SLC25A32: variants seen among roughly 807,000 people sequenced by gnomAD.
The protein encoded by SLC25A32 is solute carrier family 25 member 32.
SLC25A32 carries 32 observed loss-of-function variants against 39.0 expected under a neutral mutation model. The observed-to-expected ratio is 0.82, with a 90% CI of 0.62 to 1.10. The LOEUF (loss-of-function observed/expected upper bound fraction) is 1.10, where lower values mean the gene tolerates loss of function less well. Among genes scored for constraint, SLC25A32 ranks in the 50% least tolerant of loss-of-function variants. The pLI, the probability that SLC25A32 is intolerant of heterozygous loss-of-function variation, is 0.00. For synonymous variants in SLC25A32, 166 were observed against 152.4 expected, an observed-to-expected ratio of 1.09 and a Z score of -0.66; for missense variants, 367 against 395.3, an observed-to-expected ratio of 0.93 and a Z score of 0.61.
chr8:103,409,303 A>G (rs929202757), intron 1 of SLC25A32, among the ~76,000 whole-genome samples: 1 of 152,218 alleles, frequency 6.6e-6, no homozygotes. Flanking sequence ...TTTTCCACTC[A>G]AGATTATTTG....
chr8:103,399,519 T>C lies in SLC25A32; in HGVS notation c.*892A>G, dbSNP rs375323033. On this transcript the variant is annotated 3_prime_UTR_variant, in exon 7 of 7. Transcript: ENST00000297578. The stretch of plus-strand genomic sequence containing the variant: ...AGATATTTCTCTGAGAAGTATATAG[T>C]TTCTCAATTTTCGCTAGGTAGTGCA... 6.6e-6 allele frequency: 1 copy of C among 152,182 alleles called. No individual in the cohort carries two copies. The highest frequency in any genetic ancestry group is 1.5e-5 in the Non-Finnish European group (1 of 68,026). The allele number at this position is 152,182 out of a possible 1,614,324, so 9.4% of individuals were successfully genotyped here.
In SLC25A32 at chr8:103,410,223, A is replaced by G. The variant is rs375315573; in HGVS notation, c.155-2439T>C. 5.3e-5 allele frequency among the ~76,000 whole-genome samples: 8 copies of G among 152,340 alleles called. No individual in the cohort carries two copies. In the South Asian group the frequency reaches 1.2e-3, roughly 24 times the overall value. On this transcript the variant is annotated intron_variant, in intron 1 of 6. Transcript: ENST00000297578. ...TCCCTAACATAAAATTAAAATTGTT[A>G]TATCGATAAAATACAGTAAATTTTT...
Position 103,400,273 on chromosome 8 carries a change from A to C in SLC25A32, c.*138T>G. 2.1e-6 allele frequency: 2 copies of C among 966,180 alleles called. No homozygotes were observed. The highest frequency in any genetic ancestry group is 3.1e-6 in the Non-Finnish European group (2 of 644,794). 59.9% of individuals were successfully genotyped at this position (966,180 alleles called of 1,614,324 possible). On this transcript the variant is annotated 3_prime_UTR_variant, in exon 7 of 7. Transcript: ENST00000297578. ...AGAAAAACATTGCAGGAGACTTAGC[A>C]GTTCTCTGGCTTCTAATGACTATAG...
chr8:103,408,655 TG>T (rs1166741671), intron 1 of SLC25A32, among the ~76,000 whole-genome samples: 1 of 152,182 alleles, frequency 6.6e-6, no homozygotes, highest in Non-Finnish European at 1.5e-5. Flanking sequence ...GCATTTCACT[TG>T]AACATATCCA....
intron 3 of SLC25A32, 85 bp from the exon 4 acceptor site, chr8:103,403,409 T>TAAAA (rs11447002): frequency 2.2e-4 from 54 of 249,778 alleles, no homozygotes; most frequent in African/African-American, 9.6e-4. Context: ...TACATTTATG[T>TAAAA]AAAAAAAAAA....
At chr8:103,400,592 C>G (rs779273142) in intron 6 of SLC25A32, 46 bp from the exon 7 acceptor site, 1 of 1,599,140 alleles carries the variant, frequency 6.3e-7, no homozygotes, top group Admixed American at 1.7e-5. Flanking sequence ...ATAGAGCTAG[C>G]TTGAAAACAC....
Position 103,402,067 on chromosome 8 carries a change from G to T in SLC25A32, c.553-13C>A, listed in dbSNP as rs148768850. 1,558 of 1,566,862 alleles carry T rather than the reference G, an allele frequency of 9.9e-4. 7 individuals carry two copies. The African/African-American group carries it at 0.018, about 18-fold the overall frequency. Reference sequence around the variant, plus strand: ...CAGGAACAAATCCCTACAAGGGAATGATTTTTAAAAAGCAAAACAACATAC... The same window carrying T: ...CAGGAACAAATCCCTACAAGGGAATTATTTTTAAAAAGCAAAACAACATAC... On this transcript the variant is annotated splice_polypyrimidine_tract_variant and intron_variant, in intron 4 of 6. Transcript: ENST00000297578.
chr8:103,415,036 A>T lies in SLC25A32; in HGVS notation c.-99T>A, dbSNP rs750253444. 6.3e-7 allele frequency: 1 copy of T among 1,593,638 alleles called. No homozygotes were observed. ...GCGACGGTCGCCCCTTGTGAGCGCA[A>T]CCCCACCTCCGGGACCAACGAGAGG... is the stretch of plus-strand genomic sequence containing the variant. On this transcript the variant is annotated 5_prime_UTR_variant, in exon 1 of 7. In the 5' UTR this introduces an upstream ATG that the reference lacks. Coordinates refer to ENST00000297578, the MANE Select transcript of SLC25A32 (RefSeq NM_030780.5).
chr8:103,410,204 A>G (rs1816434017), intron 1 of SLC25A32, among the ~76,000 whole-genome samples: 1 of 152,202 alleles, frequency 6.6e-6, no homozygotes, highest in South Asian at 2.1e-4. Flanking sequence ...AATCTCCCTA[A>G]CATAAAATTA....
At chr8:103,400,751 G>A (rs553341412) in intron 6 of SLC25A32, among the ~76,000 whole-genome samples, 2 of 152,174 alleles carry the variant, frequency 1.3e-5, no homozygotes, top group African/African-American at 4.8e-5. Flanking sequence ...GAGTAAGAGA[G>A]GGTAGGGACA....
Position 103,414,896 on chromosome 8 carries a change from C to T in SLC25A32, c.42G>A (p.Trp14Ter). 1 of 1,611,998 alleles carries T rather than the reference C, an allele frequency of 6.2e-7. No homozygotes were observed. The highest frequency in any genetic ancestry group is 8.5e-7 in the Non-Finnish European group (1 of 1,179,452). ...ACCGGACGTGGCGGAATACCGTGCTCCACGCCGACGACCCGGACGCCGACT... is the reference window on the plus strand; with the variant it reads ...ACCGGACGTGGCGGAATACCGTGCTTCACGCCGACGACCCGGACGCCGACT... ...QGQSASGSSAWSTVFRHVRYE... is the reference protein window; with the variant it reads ...QGQSASGSSA The change falls in exon 1 of 7, where the codon TGG becomes TGA. Residue 14 changes from tryptophan to a stop codon, truncating the protein, a stop_gained. Coordinates refer to ENST00000297578, the MANE Select transcript of SLC25A32 (RefSeq NM_030780.5). LOFTEE classifies it high-confidence loss of function.
At chr8:103,410,421 AG>A (rs1816440565) in intron 1 of SLC25A32, among the ~76,000 whole-genome samples, 1 of 152,154 alleles carries the variant, frequency 6.6e-6, no homozygotes, top group Admixed American at 6.5e-5. Flanking sequence ...CTGTCCGATC[AG>A]TGGTGGCATT....
chr8:103,414,751 AG>A, intron 1 of SLC25A32, 32 bp downstream of exon 1: 1 of 1,612,490 alleles, frequency 6.2e-7, no homozygotes, highest in Non-Finnish European at 8.5e-7. Context: ...TGACAGTGAG[AG>A]GATGCAGCCC....
At chr8:103,401,783 T>C in intron 5 of SLC25A32, 122 bp from the exon 6 acceptor site, 1 of 1,031,408 alleles carries the variant, frequency 9.7e-7, no homozygotes, top group South Asian at 1.8e-5. Flanking sequence ...TTGACATTTG[T>C]GTGGCTTCAG....
At chr8:103,402,688 A>G (rs1362093355) in intron 4 of SLC25A32, 1 of 152,228 alleles carries the variant, frequency 6.6e-6, no homozygotes, top group Non-Finnish European at 1.5e-5. Context: ...GACACTAGGA[A>G]AAAAATTTTT....
chr8:103,406,065 G>GTATATATATATATA (rs1554628989), intron 2 of SLC25A32, among the ~76,000 whole-genome samples: 69 of 144,232 alleles, frequency 4.8e-4, no homozygotes, highest in Non-Finnish European at 7.9e-4. Flanking sequence ...GTGTGTGTGT[G>GTATATATATATATA]TATATATATA....
intron 2 of SLC25A32, among the ~76,000 whole-genome samples, chr8:103,406,247 T>G (rs1228717345): frequency 6.6e-6 from 1 of 152,156 alleles, no homozygotes; most frequent in African/African-American, 2.4e-5. Context: ...TGAATTTTAT[T>G]TTGCTTTCAC....
chr8:103,403,457 CTG>C, intron 3 of SLC25A32, 133 bp from the exon 4 acceptor site: 1 of 547,564 alleles, frequency 1.8e-6, no homozygotes. Context: ...ATATCTGAAA[CTG>C]TGAAATGTAG....
chr8:103,401,873 G>T, intron 5 of SLC25A32, 68 bp downstream of exon 5: 1 of 1,322,840 alleles, frequency 7.6e-7, no homozygotes, highest in Non-Finnish European at 1.1e-6. Flanking sequence ...AAGTAAGCAT[G>T]ACAAAAATTT....
Sources: allele counts gnomAD v4.1 joint callset (sites outside exome capture counted in the v4.1 genomes callset), GRCh38; gene constraint gnomAD v4.1.1; transcripts MANE v1.5; gene names NCBI Gene and HGNC (gene_info 2026-07-23, HGNC 2026-07-21).